Variants in SMOC2 observed in about 807,000 individuals in gnomAD.
The protein encoded by SMOC2 is SPARC related modular calcium binding 2.
Under a neutral mutation model 61.4 loss-of-function variants are expected in SMOC2, and 39 were observed. The ratio of observed to expected loss-of-function variants is 0.64; its 90% CI spans 0.49 to 0.83. The LOEUF is 0.83. SMOC2 is among the 40% of genes least tolerant of loss of function. The pLI is 0.00. For synonymous variants in SMOC2, 247 were observed against 239.9 expected (o/e 1.03, Z -0.27); for missense variants, 556 against 592.9 (o/e 0.94, Z 0.65).
chr6:168,565,366 C>T (rs1562351499), intron 7 of SMOC2, among the ~76,000 whole-genome samples: 1 of 152,160 alleles, frequency 6.6e-6, no homozygotes, highest in South Asian at 2.1e-4. Context: ...TCTGACTGGC[C>T]TCCATGTGGT....
In SMOC2 at chr6:168,453,099, C is replaced by T. The variant is rs556224998; in HGVS notation, c.84+11645C>T. Among the ~76,000 whole-genome samples the T allele has an allele frequency of 8.3e-4, 127 of 152,266 alleles. 3 individuals are homozygous for T. In the South Asian group the frequency reaches 0.021, roughly 25 times the overall value. ...GTCCCCAGGGCCTTGGCCGGACACT[C>T]AGGGCAATCTGCCCTGAGGAATTCA... On this transcript the variant is annotated intron_variant, in intron 1 of 12. Transcript: ENST00000356284. The surrounding 1 kb of genome is among the most constrained non-coding windows in gnomAD (Gnocchi z 4.4).
At chr6:168,451,599 GTCTCTCTCTCTCTCTC>G (rs59096709) in intron 1 of SMOC2, among the ~76,000 whole-genome samples, 1 of 145,532 alleles carries the variant, frequency 6.9e-6, no homozygotes, top group African/African-American at 2.5e-5. Flanking sequence ...CTCTGTCTCT[GTCTCTCTCTCTCTCTC>G]TCTCTCTCTC....
chr6:168,455,712 G>T (rs564967199), intron 1 of SMOC2, among the ~76,000 whole-genome samples: 8 of 152,308 alleles, frequency 5.3e-5, no homozygotes, highest in African/African-American at 1.9e-4. Context: ...AAAGGACATA[G>T]AATGAGCCAT....
intron 9 of SMOC2, among the ~76,000 whole-genome samples, chr6:168,622,831 G>T (rs1196176485): frequency 6.6e-6 from 1 of 152,124 alleles, no homozygotes; most frequent in Admixed American, 6.5e-5. Flanking sequence ...ATCCATAGAA[G>T]GGACAAGGTA....
chr6:168,599,179 ACCCACACACACT>A (rs1785420586), intron 8 of SMOC2, among the ~76,000 whole-genome samples, 175 bp downstream of exon 8: 1 of 103,874 alleles, frequency 9.6e-6, no homozygotes, highest in African/African-American at 3.4e-5. Context: ...TCTCACACAC[ACCCACACACACT>A]CATACCACAC....
intron 7 of SMOC2, among the ~76,000 whole-genome samples, chr6:168,596,085 A>G (rs1478326926): frequency 2.9e-5 from 3 of 103,206 alleles, no homozygotes; most frequent in East Asian, 3.6e-4. Context: ...GCTGCTGGAG[A>G]GGCATGAACA....
intron 8 of SMOC2, among the ~76,000 whole-genome samples, chr6:168,607,585 G>GT (rs5881799): frequency 0.29 from 42,834 of 147,690 alleles, 6,450 homozygotes; most frequent in Admixed American, 0.39. Context: ...CCAGAGAGTC[G>GT]TTTTTTTTTT....
intron 1 of SMOC2, among the ~76,000 whole-genome samples, chr6:168,471,296 T>C (rs1388258591): frequency 6.6e-6 from 1 of 152,248 alleles, no homozygotes; most frequent in African/African-American, 2.4e-5. Flanking sequence ...TCTGTCTTTA[T>C]TAATTCTGCT....
At chr6:168,500,725 T>C (rs1017719069) in intron 1 of SMOC2, among the ~76,000 whole-genome samples, 1 of 152,178 alleles carries the variant, frequency 6.6e-6, no homozygotes, top group African/African-American at 2.4e-5. Flanking sequence ...GTACCGTCCA[T>C]GGGCTCAGGA....
At chr6:168,473,184 G>T (rs571197624) in intron 1 of SMOC2, among the ~76,000 whole-genome samples, 2 of 152,198 alleles carry the variant, frequency 1.3e-5, no homozygotes, top group Non-Finnish European at 2.9e-5. Flanking sequence ...TGGGATCAGG[G>T]CTGAGACCAC....
At chr6:168,644,594 T>G (rs1786975420) in intron 9 of SMOC2, among the ~76,000 whole-genome samples, 1 of 151,612 alleles carries the variant, frequency 6.6e-6, no homozygotes, top group South Asian at 2.1e-4. Flanking sequence ...GGCACCCAGC[T>G]ATGCACAAAG....
Position 168,614,244 on chromosome 6 carries a change from C to T in SMOC2, c.907+6005C>T, listed in dbSNP as rs368326801. Among the ~76,000 whole-genome samples, 4 of 71,882 alleles carry T rather than the reference C, an allele frequency of 5.6e-5. 1 individual carries two copies. Among genetic ancestry groups the T allele is most frequent in the South Asian group, 1.5e-3 (2 of 1,352 alleles). The allele number at this position is 71,882 out of a possible 152,430, so 47.2% of individuals were successfully genotyped here. On this transcript the variant is annotated intron_variant, in intron 9 of 12. Coordinates refer to ENST00000356284, the MANE Select transcript of SMOC2 (RefSeq NM_001166412.2). ...ACAGCCAGCACATGGAGCCTCTTCA[C>T]ACCTACAGCCAGCACAGGGCCTCTT...
At chr6:168,517,405 G>A (rs917599938) in intron 2 of SMOC2, among the ~76,000 whole-genome samples, 2 of 152,260 alleles carry the variant, frequency 1.3e-5, no homozygotes, top group African/African-American at 4.8e-5. Context: ...GCGGGCAGCA[G>A]TGTCTCCGGG....
chr6:168,447,410 C>G (rs866350042), intron 1 of SMOC2, among the ~76,000 whole-genome samples: 1 of 152,110 alleles, frequency 6.6e-6, no homozygotes, highest in Non-Finnish European at 1.5e-5. Context: ...AGATACTGAC[C>G]GTGGATGCTG....
At chr6:168,526,527 G>T (rs1024623861) in intron 3 of SMOC2, 75 bp downstream of exon 3, 8 of 1,228,432 alleles carry the variant, frequency 6.5e-6, no homozygotes, top group Non-Finnish European at 9.6e-6. Flanking sequence ...TGGGGAGAAG[G>T]CAGGTGGGGG....
chr6:168,481,474 T>C (rs1173667616), intron 1 of SMOC2, among the ~76,000 whole-genome samples: 1 of 152,056 alleles, frequency 6.6e-6, no homozygotes, highest in Non-Finnish European at 1.5e-5. Context: ...ATGTAAAATA[T>C]AATCCTCATG....
At chr6:168,531,782 G>C (rs1399779076) in intron 4 of SMOC2, among the ~76,000 whole-genome samples, 1 of 152,208 alleles carries the variant, frequency 6.6e-6, no homozygotes, top group Non-Finnish European at 1.5e-5. Flanking sequence ...CTCTGTGCTT[G>C]GAAGTGGCAG....
chr6:168,658,929 GTGTGTAT>G (rs1235615590), intron 11 of SMOC2, among the ~76,000 whole-genome samples: 10 of 144,398 alleles, frequency 6.9e-5, no homozygotes, highest in Middle Eastern at 3.6e-3. Context: ...TGTGTGGAGT[GTGTGTAT>G]GTGTGGTGTG....
intron 2 of SMOC2, among the ~76,000 whole-genome samples, chr6:168,514,534 A>G (rs1187137323): frequency 6.6e-6 from 1 of 152,196 alleles, no homozygotes. Context: ...CTGGAGAAAG[A>G]CTCAGATGTG....
Sources: allele counts gnomAD v4.1 joint callset (sites outside exome capture counted in the v4.1 genomes callset), GRCh38; gene constraint gnomAD v4.1.1; non-coding constraint Gnocchi (gnomAD v3.1); transcripts MANE v1.5; gene names NCBI Gene and HGNC (gene_info 2026-07-23, HGNC 2026-07-21).